Variants in DPY19L2 observed in about 807,000 individuals in gnomAD.
DPY19L2 encodes the protein dpy-19 like 2, also known as probable C-mannosyltransferase DPY19L2.
In DPY19L2, 34 loss-of-function variants were observed where a neutral mutation model predicts 97.9. The observed-to-expected ratio is 0.35, with a 90% CI of 0.26 to 0.46. The LOEUF (loss-of-function observed/expected upper bound fraction) is 0.46, where lower values mean the gene tolerates loss of function less well. Among genes scored for constraint, DPY19L2 ranks in the 20% least tolerant of loss-of-function variants. The pLI is 1.00. For missense variants in DPY19L2, 623 were observed against 911.4 expected, an observed-to-expected ratio of 0.68 and a Z score of 4.07; for synonymous variants, 230 against 307.9, an observed-to-expected ratio of 0.75 and a Z score of 2.65.
At chr12:63,640,403 C>T (rs11838340) in intron 6 of DPY19L2, among the ~76,000 whole-genome samples, 12,201 of 152,094 alleles carry the variant, frequency 0.08, 776 homozygotes, top group African/African-American at 0.17. Flanking sequence ...TTCCAAGATT[C>T]CTTGTTTGAT....
At chr12:63,624,797 T>C (rs1889257793) in intron 7 of DPY19L2, among the ~76,000 whole-genome samples, 1 of 152,138 alleles carries the variant, frequency 6.6e-6, no homozygotes, top group Admixed American at 6.5e-5. Flanking sequence ...TCAAAAATTC[T>C]GAAATTCTAG....
intron 7 of DPY19L2, 81 bp downstream of exon 7, chr12:63,626,388 A>T: frequency 1.4e-6 from 2 of 1,392,614 alleles, no homozygotes; most frequent in Non-Finnish European, 1.9e-6. Context: ...GTATACAATT[A>T]AATATTGTTT....
At chr12:63,573,363 A>G (rs1879240193) in intron 19 of DPY19L2, among the ~76,000 whole-genome samples, 1 of 151,956 alleles carries the variant, frequency 6.6e-6, no homozygotes, top group Non-Finnish European at 1.5e-5. Flanking sequence ...AGAAAGAATT[A>G]GTGAGCTTAA....
rs190176848 is a variant in DPY19L2, at chr12:63,628,102, G to A, written c.804-1576C>T. On this transcript the variant is annotated intron_variant, in intron 6 of 21. Coordinates refer to ENST00000324472, the MANE Select transcript of DPY19L2 (RefSeq NM_173812.5). ...GGTGAGGGGTGGAGCCAAGATGGCC[G>A]AATAGGAACAGCTCCAGTCTACAGC... 5.2e-3 allele frequency among the ~76,000 whole-genome samples: 793 copies of A among 152,202 alleles called. 3 individuals carry two copies. Among genetic ancestry groups the A allele is most frequent in the Admixed American group, 8.2e-3 (125 of 15,296 alleles).
intron 8 of DPY19L2, 66 bp from the exon 9 acceptor site, chr12:63,621,403 C>G (rs536772360): frequency 1.3e-6 from 1 of 748,394 alleles, no homozygotes; most frequent in African/African-American, 1.8e-5. Flanking sequence ...AAAAGAAAGA[C>G]TAATTGCAAA....
At chr12:63,623,355 G>A (rs575310259) in intron 8 of DPY19L2, among the ~76,000 whole-genome samples, 17 of 152,152 alleles carry the variant, frequency 1.1e-4, no homozygotes, top group South Asian at 2.1e-4. Context: ...ATCTAACTCC[G>A]CATTTCCCAA....
chr12:63,563,327 T>G (rs1274003884), intron 21 of DPY19L2, among the ~76,000 whole-genome samples: 2 of 152,156 alleles, frequency 1.3e-5, no homozygotes, highest in Non-Finnish European at 2.9e-5. Context: ...TGTTACTGTA[T>G]CTGAGAAATC....
intron 11 of DPY19L2, among the ~76,000 whole-genome samples, chr12:63,613,670 C>T (rs1015576181): frequency 1.3e-5 from 2 of 150,766 alleles, no homozygotes; most frequent in African/African-American, 4.9e-5. Context: ...TGAAATAAAA[C>T]AAAAATAATT....
intron 7 of DPY19L2, among the ~76,000 whole-genome samples, chr12:63,624,352 A>T (rs1889184709): frequency 6.6e-6 from 1 of 152,120 alleles, no homozygotes; most frequent in South Asian, 2.1e-4. Context: ...CAGATATATC[A>T]GACCGAGCAA....
At chr12:63,563,509 A>ATG (rs2137245451) in intron 21 of DPY19L2, among the ~76,000 whole-genome samples, 1 of 152,306 alleles carries the variant, frequency 6.6e-6, no homozygotes, top group Non-Finnish European at 1.5e-5. Flanking sequence ...CGAGACTATG[A>ATG]TGCGCGATGA....
chr12:63,586,826 C>A (rs2137407795), intron 16 of DPY19L2, among the ~76,000 whole-genome samples: 1 of 151,992 alleles, frequency 6.6e-6, no homozygotes, highest in African/African-American at 2.4e-5. Flanking sequence ...TAAGAGAAAC[C>A]ACCAGGAAAT....
At position 63,589,357 on chromosome 12, in the gene DPY19L2, C is replaced by CAAAAAAAA. The variant is rs71086687; in HGVS notation, c.1580+4722_1580+4729dup. Among the ~76,000 whole-genome samples, 20 of 18,988 alleles carry CAAAAAAAA rather than the reference C, an allele frequency of 1.1e-3. 2 individuals carry two copies. The highest frequency in any genetic ancestry group is 1.3e-3 in the African/African-American group (9 of 6,844). The allele number at this position is 18,988 out of a possible 152,430, so 12.5% of individuals were successfully genotyped here. ...AATGTGGCTAGATAAAAATGTGTTG[C>CAAAAAAAA]AAAAAAAAAAAAAAAAAAAAAAAAA... is the stretch of plus-strand genomic sequence containing the variant. On this transcript the variant is annotated intron_variant, in intron 16 of 21. Coordinates refer to ENST00000324472, the MANE Select transcript of DPY19L2 (RefSeq NM_173812.5).
intron 6 of DPY19L2, among the ~76,000 whole-genome samples, chr12:63,636,508 C>G (rs901188518): frequency 6.6e-6 from 1 of 152,076 alleles, no homozygotes; most frequent in African/African-American, 2.4e-5. Context: ...CAAGACCCAT[C>G]ATTGTGCTGT....
intron 16 of DPY19L2, among the ~76,000 whole-genome samples, chr12:63,592,526 G>C (rs1160033455): frequency 7.2e-4 from 108 of 149,752 alleles, no homozygotes; most frequent in African/African-American, 2.0e-3. Flanking sequence ...CTGAGAAAAA[G>C]AAGCAATGGG....
chr12:63,590,488 A>C lies in DPY19L2; in HGVS notation c.1580+3599T>G, dbSNP rs575127488. On this transcript the variant is annotated intron_variant, in intron 16 of 21. Coordinates refer to ENST00000324472, the MANE Select transcript of DPY19L2 (RefSeq NM_173812.5). ...TCAAAACATTGGTTTTTTTAAGACA[A>C]AAGTTATATATAATCTAAACTTTCA... Among the ~76,000 whole-genome samples, 3 of 152,244 alleles carry C rather than the reference A, an allele frequency of 2.0e-5. No individual in the cohort carries two copies. The South Asian group carries it at 6.2e-4, about 32-fold the overall frequency.
At position 63,663,857 on chromosome 12, in the gene DPY19L2, T is replaced by C; in HGVS notation, c.363-12A>G. ...TTACTAAATGTAACCTAGAAAAAAA[T>C]GAAGTATCATATTACAATAAGAACG... is the stretch of plus-strand genomic sequence containing the variant. On this transcript the variant is annotated splice_polypyrimidine_tract_variant and intron_variant, in intron 2 of 21. Transcript: ENST00000324472. 6.4e-7 allele frequency: 1 copy of C among 1,562,540 alleles called. No homozygotes were observed. Among genetic ancestry groups the C allele is most frequent in the Non-Finnish European group, 8.7e-7 (1 of 1,145,672 alleles).
At chr12:63,575,135 GA>G (rs61213429) in intron 19 of DPY19L2, among the ~76,000 whole-genome samples, 95,318 of 150,940 alleles carry the variant, frequency 0.63, 31,012 homozygotes, top group African/African-American at 0.8. Context: ...GACCACAATG[GA>G]AAAAAAAACT....
At chr12:63,627,029 G>A (rs1244677364) in intron 6 of DPY19L2, among the ~76,000 whole-genome samples, 4 of 152,034 alleles carry the variant, frequency 2.6e-5, no homozygotes, top group Non-Finnish European at 5.9e-5. Flanking sequence ...CACCCGCCTT[G>A]GCCTCCCAAA....
At chr12:63,641,409 T>A (rs1428155829) in intron 6 of DPY19L2, among the ~76,000 whole-genome samples, 1 of 151,966 alleles carries the variant, frequency 6.6e-6, no homozygotes, top group Non-Finnish European at 1.5e-5. Context: ...ATAGAGAAAT[T>A]ATTATACTGA....
Sources: gnomAD v4.1 joint callset for allele counts (sites outside exome capture counted in the v4.1 genomes callset) on GRCh38, gnomAD v4.1.1 for gene constraint, MANE v1.5 for transcripts, NCBI Gene and HGNC (gene_info 2026-07-23, HGNC 2026-07-21) for gene names.